Variants in FBLN2 observed in about 807,000 individuals in gnomAD.
The protein encoded by FBLN2 is fibulin-2.
FBLN2 carries 81 observed loss-of-function variants against 123.7 expected under a neutral mutation model. The ratio of observed to expected loss-of-function variants is 0.65; its 90% CI spans 0.55 to 0.79. The LOEUF is 0.79. Ranked by LOEUF, FBLN2 falls within the 30% of genes least tolerant of loss-of-function variation. FBLN2 has a pLI of 0.00. For synonymous variants in FBLN2, 699 were observed against 701.4 expected, an observed-to-expected ratio of 1.00 and a Z score of 0.05; for missense variants, 1,603 against 1,681.3, an observed-to-expected ratio of 0.95 and a Z score of 0.81.
At chr3:13,610,806 A>C (rs984517709) in intron 4 of FBLN2, among the ~76,000 whole-genome samples, 1 of 152,156 alleles carries the variant, frequency 6.6e-6, no homozygotes, top group African/African-American at 2.4e-5. Context: ...AATGGGGCAC[A>C]GGCATAGTGG....
rs549875200 is a variant in FBLN2 at position 13,559,786 on chromosome 3, C to T, written c.-41-10529C>T. On this transcript the variant is annotated intron_variant, in intron 1 of 17. Coordinates refer to ENST00000404922, the MANE Select transcript of FBLN2 (RefSeq NM_001004019.2). ...GGGCCAGAGCTGATGGAGAACCATT[C>T]AGGGTTTGGAGCAGGGATGAGAGGT... 1.1e-3 allele frequency among the ~76,000 whole-genome samples: 171 copies of T among 152,302 alleles called. 2 individuals carry two copies. The highest frequency in any genetic ancestry group is 1.0e-3 in the Non-Finnish European group (71 of 68,018).
At chr3:13,601,896 C>A (rs1472923666) in intron 2 of FBLN2, among the ~76,000 whole-genome samples, 1 of 152,188 alleles carries the variant, frequency 6.6e-6, no homozygotes, top group Non-Finnish European at 1.5e-5. Flanking sequence ...CTCCTGGGCT[C>A]AAGCAATCCC....
intron 1 of FBLN2, among the ~76,000 whole-genome samples, chr3:13,565,098 G>A (rs1211169752): frequency 6.6e-6 from 1 of 152,166 alleles, no homozygotes; most frequent in African/African-American, 2.4e-5. Flanking sequence ...TGTCCCTGCT[G>A]GACACTCCCT....
intron 1 of FBLN2, among the ~76,000 whole-genome samples, chr3:13,564,192 T>C (rs775328920): frequency 2.6e-5 from 4 of 152,128 alleles, no homozygotes; most frequent in Non-Finnish European, 5.9e-5. Flanking sequence ...TTGTGCCTGC[T>C]CTCTGCTTGG....
rs182705602 is a variant in FBLN2, at chr3:13,591,733, C to G, written c.1307-16329C>G. Among the ~76,000 whole-genome samples the G allele has an allele frequency of 1.4e-4, 22 of 152,160 alleles. No homozygotes were observed. In the East Asian group the frequency reaches 4.1e-3, roughly 28 times the overall value. ...GTTCTTCTTTTTCAAGATTTTGTGT[C>G]CTGTTTAAGAAATTGATGTCTCTCC... On this transcript the variant is annotated intron_variant, in intron 2 of 17. Coordinates refer to ENST00000404922, the MANE Select transcript of FBLN2 (RefSeq NM_001004019.2).
chr3:13,618,779 T>C, intron 6 of FBLN2, 125 bp from the exon 7 acceptor site: 1 of 672,480 alleles, frequency 1.5e-6, no homozygotes, highest in Non-Finnish European at 2.6e-6. Context: ...TCCTCTCCTG[T>C]GAAATGGGGT....
intron 2 of FBLN2, among the ~76,000 whole-genome samples, chr3:13,576,444 G>T (rs894797923): frequency 5.9e-5 from 9 of 152,224 alleles, no homozygotes; most frequent in Admixed American, 1.3e-4. Flanking sequence ...TAGAGTAAAT[G>T]ATATGGGATT....
intron 2 of FBLN2, among the ~76,000 whole-genome samples, chr3:13,599,705 G>T (rs1360167001): frequency 2.0e-5 from 3 of 151,926 alleles, no homozygotes; most frequent in African/African-American, 7.3e-5. Flanking sequence ...GGGAGGCGGG[G>T]GATGAGGGAT....
intron 1 of FBLN2, among the ~76,000 whole-genome samples, chr3:13,558,867 A>T (rs1450016627): frequency 1.4e-5 from 2 of 143,164 alleles, no homozygotes; most frequent in Non-Finnish European, 3.0e-5. Flanking sequence ...GCTTGGCTTT[A>T]AAGCATGGGG....
chr3:13,563,471 C>T (rs915839341), intron 1 of FBLN2, among the ~76,000 whole-genome samples: 1 of 152,246 alleles, frequency 6.6e-6, no homozygotes, highest in African/African-American at 2.4e-5. Context: ...GGGTGCCCCC[C>T]ACACTGCATG....
At chr3:13,580,647 T>G (rs113167985) in intron 2 of FBLN2, among the ~76,000 whole-genome samples, 110 of 152,320 alleles carry the variant, frequency 7.2e-4, no homozygotes, top group African/African-American at 2.6e-3. Flanking sequence ...CCTCGTCTGA[T>G]GGTTCCCCAG....
At chr3:13,604,371 A>G (rs1038866388) in intron 2 of FBLN2, among the ~76,000 whole-genome samples, 28 of 152,104 alleles carry the variant, frequency 1.8e-4, no homozygotes, top group Non-Finnish European at 2.6e-4. Flanking sequence ...TTTTAGGTCT[A>G]ACATTTAAGT....
In FBLN2 at chr3:13,638,331, A is replaced by T; in HGVS notation, c.*412A>T. The stretch of plus-strand genomic sequence containing the variant: ...TCATTTTAAAGTTTTTTGTTTAACT[A>T]TAAAGTAGTACATGTACATTATATA... On this transcript the variant is annotated 3_prime_UTR_variant, in exon 18 of 18. Coordinates refer to ENST00000404922, the MANE Select transcript of FBLN2 (RefSeq NM_001004019.2). 1 of 405,664 alleles carries T rather than the reference A, an allele frequency of 2.5e-6. No homozygotes were observed. Among genetic ancestry groups the T allele is most frequent in the Non-Finnish European group, 4.6e-6 (1 of 217,366 alleles). The allele number at this position is 405,664 out of a possible 1,614,324, so 25.1% of individuals were successfully genotyped here. A position where few individuals can be genotyped will look rare whatever the true frequency, so the allele number is the denominator to read the frequency against.
chr3:13,594,423 G>C (rs774811224), intron 2 of FBLN2, among the ~76,000 whole-genome samples: 1 of 152,174 alleles, frequency 6.6e-6, no homozygotes, highest in African/African-American at 2.4e-5. Context: ...GCTTCTCTCT[G>C]TGCTCAGACC....
intron 1 of FBLN2, among the ~76,000 whole-genome samples, chr3:13,561,243 G>C (rs1252747851): frequency 2.6e-5 from 4 of 152,132 alleles, no homozygotes; most frequent in Non-Finnish European, 4.4e-5. Flanking sequence ...TCTCAAAAGG[G>C]GTGTCTACAG....
At chr3:13,607,847 T>C (rs1435739500) in intron 2 of FBLN2, among the ~76,000 whole-genome samples, 1 of 152,164 alleles carries the variant, frequency 6.6e-6, no homozygotes, top group Non-Finnish European at 1.5e-5. Context: ...TAACCTGTTA[T>C]GGGCTGGGCT....
chr3:13,601,274 GA>G (rs1705023768), intron 2 of FBLN2, among the ~76,000 whole-genome samples: 1 of 152,240 alleles, frequency 6.6e-6, no homozygotes, highest in Admixed American at 6.5e-5. Context: ...AGGGAGGAAG[GA>G]TTCGGTCCTG....
chr3:13,570,339 C>T lies in FBLN2; in HGVS notation c.-17C>T. ...GGGTCTTACAGGAGAGGGGACCGTC[C>T]TGGGCTGGCCTGGACCATGGTGCTG... On this transcript the variant is annotated 5_prime_UTR_variant, in exon 2 of 18. Coordinates refer to ENST00000404922, the MANE Select transcript of FBLN2 (RefSeq NM_001004019.2). 4 of 1,523,628 alleles carry T rather than the reference C, an allele frequency of 2.6e-6. No individual in the cohort carries two copies. Among genetic ancestry groups the T allele is most frequent in the Non-Finnish European group, 3.5e-6 (4 of 1,131,692 alleles). The allele number at this position is 1,523,628 out of a possible 1,614,324, so 94.4% of individuals were successfully genotyped here.
At chr3:13,613,296 A>G (rs776808239) in intron 4 of FBLN2, among the ~76,000 whole-genome samples, 4 of 152,242 alleles carry the variant, frequency 2.6e-5, no homozygotes, top group Non-Finnish European at 5.9e-5. Flanking sequence ...GCAATATCAC[A>G]TTGCAAAGAC....
Sources: allele counts gnomAD v4.1 joint callset (sites outside exome capture counted in the v4.1 genomes callset), GRCh38; gene constraint gnomAD v4.1.1; transcripts MANE v1.5; gene names NCBI Gene and HGNC (gene_info 2026-07-23, HGNC 2026-07-21).